The following SLIT3 variants were observed in gnomAD, a reference collection of about 807,000 sequenced individuals.
The protein encoded by SLIT3 is slit guidance ligand 3.
Under a neutral mutation model 184.0 loss-of-function variants are expected in SLIT3, and 68 were observed. That is an observed-to-expected ratio of 0.37 (90% CI 0.30 to 0.45). The LOEUF is 0.45. Among genes scored for constraint, SLIT3 ranks in the 20% least tolerant of loss-of-function variants. The pLI, the probability that SLIT3 is intolerant of heterozygous loss-of-function variation, is 1.00. For synonymous variants in SLIT3, 831 were observed against 828.6 expected (o/e 1.00, Z -0.05); for missense variants, 1,707 against 2,026.0 (o/e 0.84, Z 3.02).
intron 20 of SLIT3, among the ~76,000 whole-genome samples, chr5:168,728,521 C>T (rs1370318317): frequency 6.6e-6 from 1 of 151,942 alleles, no homozygotes; most frequent in Non-Finnish European, 1.5e-5. Context: ...CTTAAAGAAG[C>T]TCAATGAGAT....
intron 6 of SLIT3, among the ~76,000 whole-genome samples, chr5:168,826,352 G>A (rs1258707754): frequency 2.0e-5 from 3 of 152,198 alleles, no homozygotes; most frequent in Admixed American, 1.3e-4. Flanking sequence ...TGCTACGACA[G>A]CTACAGTTTT....
In SLIT3 at chr5:168,696,400, G is replaced by A. The variant is rs200599257; in HGVS notation, c.2974C>T (p.Arg992Trp). The A allele has an allele frequency of 5.2e-5, 84 of 1,613,992 alleles. No homozygotes were observed. Among genetic ancestry groups the A allele is most frequent in the African/African-American group, 5.3e-5 (4 of 74,900 alleles). The change falls in exon 28 of 36, where the codon CGG (arginine) becomes TGG (tryptophan). Residue 992 changes from arginine to tryptophan, a missense_variant. Coordinates refer to ENST00000519560, the MANE Select transcript of SLIT3 (RefSeq NM_003062.4). Reference protein sequence around the residue: ...CSCPLGFEGQRCEINPDDCED... With the variant: ...CSCPLGFEGQWCEINPDDCED... ...CAGTCATCTGGGTTGATCTCACACC[G>A]CTGCCCCTCAAAGCCCAGAGGGCAG...
intron 6 of SLIT3, among the ~76,000 whole-genome samples, chr5:168,833,751 T>G (rs766093384): frequency 2.0e-5 from 3 of 152,212 alleles, no homozygotes; most frequent in Non-Finnish European, 4.4e-5. Flanking sequence ...CCAAAAGACC[T>G]GCTTTCTGGC....
In SLIT3 at chr5:168,874,342, A is replaced by G. The variant is rs541775715; in HGVS notation, c.485+8923T>C. ...TATCATCATGCCCCTTCATTCATTC[A>G]TTCATTCAGGGTTTCAGCTGTTCCC... On this transcript the variant is annotated intron_variant, in intron 5 of 35. Transcript: ENST00000519560. Among the ~76,000 whole-genome samples, 5 of 152,226 alleles carry G rather than the reference A, an allele frequency of 3.3e-5. No homozygotes were observed. In the East Asian group the frequency reaches 7.7e-4, roughly 24 times the overall value.
intron 4 of SLIT3, among the ~76,000 whole-genome samples, chr5:168,963,103 C>A (rs113472117): frequency 1.3e-5 from 2 of 152,356 alleles, no homozygotes. Context: ...CTATGGCCTA[C>A]GGGGCCAATC....
At chr5:168,896,306 C>T (rs1456874946) in intron 4 of SLIT3, among the ~76,000 whole-genome samples, 4 of 152,244 alleles carry the variant, frequency 2.6e-5, no homozygotes, top group Admixed American at 2.6e-4. Flanking sequence ...CATGAAAATA[C>T]CTACGTGCGG....
intron 4 of SLIT3, among the ~76,000 whole-genome samples, chr5:169,152,936 T>TC (rs1762169113): frequency 6.6e-6 from 1 of 152,216 alleles, no homozygotes; most frequent in African/African-American, 2.4e-5. Context: ...TAGCCTGGTT[T>TC]CGCTGTGAGT....
At chr5:169,179,504 A>G (rs529179054) in intron 4 of SLIT3, among the ~76,000 whole-genome samples, 1 of 152,290 alleles carries the variant, frequency 6.6e-6, no homozygotes, top group East Asian at 1.9e-4. Flanking sequence ...AAACTGCATC[A>G]AAAACAACAT....
chr5:168,810,880 A>G (rs986655172), intron 8 of SLIT3, among the ~76,000 whole-genome samples: 1 of 152,136 alleles, frequency 6.6e-6, no homozygotes, highest in African/African-American at 2.4e-5. Flanking sequence ...AAACTCTCAC[A>G]GGGAAAGTCC....
chr5:168,717,807 C>T (rs1219136625), intron 23 of SLIT3, among the ~76,000 whole-genome samples: 1 of 151,828 alleles, frequency 6.6e-6, no homozygotes, highest in Non-Finnish European at 1.5e-5. Context: ...ACTACAGGCA[C>T]CCGCCACTAC....
At chr5:169,228,375 C>T (rs1764882172) in intron 3 of SLIT3, among the ~76,000 whole-genome samples, 1 of 152,088 alleles carries the variant, frequency 6.6e-6, no homozygotes, top group Non-Finnish European at 1.5e-5. Flanking sequence ...AGAACATACT[C>T]TGAAAACACA....
intron 30 of SLIT3, 56 bp from the exon 31 acceptor site, chr5:168,685,983 T>A: frequency 6.5e-7 from 1 of 1,526,966 alleles, no homozygotes; most frequent in South Asian, 1.3e-5. Flanking sequence ...GAGGAGACAA[T>A]CACAGTTACT....
intron 3 of SLIT3, among the ~76,000 whole-genome samples, chr5:169,235,868 T>C (rs1414352085): frequency 1.3e-5 from 2 of 152,256 alleles, no homozygotes; most frequent in African/African-American, 4.8e-5. Flanking sequence ...TACTATCAAA[T>C]GATTTATCAA....
intron 20 of SLIT3, among the ~76,000 whole-genome samples, chr5:168,740,642 C>T (rs572641647): frequency 2.0e-5 from 3 of 152,242 alleles, no homozygotes; most frequent in African/African-American, 4.8e-5. Context: ...CCTGCTTACC[C>T]CCAACCCTCC....
intron 4 of SLIT3, among the ~76,000 whole-genome samples, chr5:169,108,815 C>A (rs1206962678): frequency 1.3e-5 from 2 of 152,228 alleles, no homozygotes; most frequent in Non-Finnish European, 2.9e-5. Context: ...CTGCCTTGTT[C>A]TCCACTGTGT....
At chr5:168,949,024 T>C (rs749412888) in intron 4 of SLIT3, among the ~76,000 whole-genome samples, 4 of 152,138 alleles carry the variant, frequency 2.6e-5, no homozygotes, top group Non-Finnish European at 5.9e-5. Context: ...AAAACACAGA[T>C]GCCTATGCCC....
Position 168,763,939 on chromosome 5 carries a change from C to G in SLIT3, c.1460-1250G>C, listed in dbSNP as rs1755243854. ...ATGTGAACATTATTTGTTTGCTCCA[C>G]TAGGTGAGGCAACTTGGTGATCTTA... is the stretch of plus-strand genomic sequence containing the variant. On this transcript the variant is annotated intron_variant, in intron 14 of 35. Coordinates refer to ENST00000519560, the MANE Select transcript of SLIT3 (RefSeq NM_003062.4). Among the ~76,000 whole-genome samples, 4 of 152,320 alleles carry G rather than the reference C, an allele frequency of 2.6e-5. No individual in the cohort carries two copies. The South Asian group carries it at 8.3e-4, about 32-fold the overall frequency.
At chr5:168,973,479 T>G (rs930631641) in intron 4 of SLIT3, among the ~76,000 whole-genome samples, 1 of 152,212 alleles carries the variant, frequency 6.6e-6, no homozygotes, top group Non-Finnish European at 1.5e-5. Flanking sequence ...AACTCCGATC[T>G]CAGGTGATTC....
chr5:168,673,075 C>T, intron 33 of SLIT3, 102 bp downstream of exon 33: 1 of 1,146,682 alleles, frequency 8.7e-7, no homozygotes, highest in Non-Finnish European at 1.3e-6. Flanking sequence ...GTCCCTTCCT[C>T]CAGGAAGCCT....
Sources: allele counts gnomAD v4.1 joint callset (sites outside exome capture counted in the v4.1 genomes callset), GRCh38; gene constraint gnomAD v4.1.1; transcripts MANE v1.5; gene names NCBI Gene and HGNC (gene_info 2026-07-23, HGNC 2026-07-21).